LIN7A: variants seen among roughly 807,000 people sequenced by gnomAD.
LIN7A encodes lin-7 cell polarity scaffold A, also known as protein lin-7 homolog A.
LIN7A carries 25 observed loss-of-function variants against 29.8 expected under a neutral mutation model. That is an observed-to-expected ratio of 0.84 (90% confidence interval 0.61 to 1.17). The LOEUF (loss-of-function observed/expected upper bound fraction) is 1.17. Among genes scored for constraint, LIN7A ranks in the 50% most tolerant of loss-of-function variants. The pLI is 0.00. For synonymous variants in LIN7A, 118 were observed against 107.5 expected, an observed-to-expected ratio of 1.10 and a Z score of -0.60; for missense variants, 239 against 287.0, an observed-to-expected ratio of 0.83 and a Z score of 1.21.
At chr12:80,933,286 G>C (rs563708983) in intron 1 of LIN7A, among the ~76,000 whole-genome samples, 1 of 152,052 alleles carries the variant, frequency 6.6e-6, no homozygotes, top group Non-Finnish European at 1.5e-5. Context: ...TAATTAATGC[G>C]TTATTATTTC....
At chr12:80,917,877 C>T (rs1271430058) in intron 1 of LIN7A, among the ~76,000 whole-genome samples, 1 of 152,174 alleles carries the variant, frequency 6.6e-6, no homozygotes, top group Non-Finnish European at 1.5e-5. Flanking sequence ...CTGGCTCCTC[C>T]TCATGTGTTT....
chr12:80,843,155 T>C (rs1332380351), intron 4 of LIN7A, among the ~76,000 whole-genome samples: 3 of 152,196 alleles, frequency 2.0e-5, no homozygotes, highest in East Asian at 1.9e-4. Flanking sequence ...ATTGGTAAGA[T>C]GAGAGGTTTA....
In LIN7A at chr12:80,907,053, C is replaced by CTGTGTGTGTGTGTGTGTG. The variant is rs1491359652; in HGVS notation, c.83-17685_83-17684insCACACACACACACACACA. ...AATAGAACATACCTCAGAGTGCGTGCTCTGTGTGTGTGTGTGTGTGTGTGT... is the reference window on the plus strand; with the variant it reads ...AATAGAACATACCTCAGAGTGCGTGCTGTGTGTGTGTGTGTGTGTCTGTGTGTGTGTGTGTGTGTGTGT... On this transcript the variant is annotated intron_variant, in intron 1 of 5. Coordinates refer to ENST00000552864, the MANE Select transcript of LIN7A (RefSeq NM_004664.4). Among the ~76,000 whole-genome samples, 134 of 132,998 alleles carry CTGTGTGTGTGTGTGTGTG rather than the reference C, an allele frequency of 1.0e-3. 3 individuals are homozygous for CTGTGTGTGTGTGTGTGTG. Among genetic ancestry groups the CTGTGTGTGTGTGTGTGTG allele is most frequent in the East Asian group, 6.1e-3 (26 of 4,250 alleles). The allele number at this position is 132,998 out of a possible 152,430, so 87.3% of individuals were successfully genotyped here.
chr12:80,919,884 C>T lies in LIN7A; in HGVS notation c.82+17757G>A, dbSNP rs903040382. ...GACCAGGACAACAGAGAAACACCTT[C>T]GTCTCCACCACCAAGCTCATTCACT... On this transcript the variant is annotated intron_variant, in intron 1 of 5. Transcript: ENST00000552864. 3.3e-5 allele frequency among the ~76,000 whole-genome samples: 5 copies of T among 152,112 alleles called. No homozygotes were observed. The East Asian group carries it at 5.8e-4, about 18-fold the overall frequency.
intron 2 of LIN7A, among the ~76,000 whole-genome samples, chr12:80,863,948 AC>A (rs1874007401): frequency 6.6e-6 from 1 of 152,130 alleles, no homozygotes; most frequent in Non-Finnish European, 1.5e-5. Flanking sequence ...AAAAGGCAGC[AC>A]CAAATATTTA....
intron 5 of LIN7A, among the ~76,000 whole-genome samples, chr12:80,809,789 C>T (rs1871202251): frequency 1.3e-5 from 2 of 152,058 alleles, no homozygotes; most frequent in Non-Finnish European, 2.9e-5. Context: ...ATTTAGTGTT[C>T]TTTGTTACAA....
At chr12:80,836,972 G>A (rs1286198885) in intron 4 of LIN7A, among the ~76,000 whole-genome samples, 1 of 151,860 alleles carries the variant, frequency 6.6e-6, no homozygotes, top group African/African-American at 2.4e-5. Flanking sequence ...CAGGCAAGAT[G>A]GGGGGCGGGG....
intron 1 of LIN7A, among the ~76,000 whole-genome samples, chr12:80,918,977 G>T (rs1024230335): frequency 2.7e-4 from 41 of 152,292 alleles, no homozygotes; most frequent in African/African-American, 9.9e-4. Context: ...GTCACAGCCT[G>T]TACAGGTTTG....
At chr12:80,806,777 T>C (rs2121506592) in intron 5 of LIN7A, among the ~76,000 whole-genome samples, 1 of 152,312 alleles carries the variant, frequency 6.6e-6, no homozygotes, top group African/African-American at 2.4e-5. Context: ...AATTAAAATG[T>C]AATTAAGAGC....
At chr12:80,922,719 A>G (rs1049179261) in intron 1 of LIN7A, among the ~76,000 whole-genome samples, 1 of 152,188 alleles carries the variant, frequency 6.6e-6, no homozygotes, top group Admixed American at 6.5e-5. Context: ...ACCTGCAGTC[A>G]ATCTCTGTCC....
At chr12:80,871,518 T>C (rs1874425176) in intron 2 of LIN7A, among the ~76,000 whole-genome samples, 1 of 151,580 alleles carries the variant, frequency 6.6e-6, no homozygotes. Context: ...TCATCTTACT[T>C]TTTTTTTAGT....
chr12:80,802,003 T>C (rs879422533), intron 5 of LIN7A, among the ~76,000 whole-genome samples: 11 of 151,902 alleles, frequency 7.2e-5, no homozygotes, highest in Admixed American at 4.6e-4. Flanking sequence ...TTCAATCTAT[T>C]CTTTTGCCTC....
chr12:80,815,354 A>G (rs1871482865), intron 4 of LIN7A, among the ~76,000 whole-genome samples: 1 of 152,178 alleles, frequency 6.6e-6, no homozygotes, highest in African/African-American at 2.4e-5. Context: ...CAAAAGATCT[A>G]CTCAGTTAGG....
intron 2 of LIN7A, among the ~76,000 whole-genome samples, chr12:80,888,186 G>A (rs1875430941): frequency 6.6e-6 from 1 of 152,108 alleles, no homozygotes; most frequent in Admixed American, 6.6e-5. Context: ...AAATTAAATA[G>A]TGAACACTTC....
At chr12:80,822,399 A>G (rs1279244421) in intron 4 of LIN7A, among the ~76,000 whole-genome samples, 8 of 152,124 alleles carry the variant, frequency 5.3e-5, no homozygotes, top group Non-Finnish European at 1.0e-4. Flanking sequence ...TTCTACTAAA[A>G]ATACAAAAAT....
At chr12:80,934,642 T>C (rs945694516) in intron 1 of LIN7A, among the ~76,000 whole-genome samples, 2 of 152,228 alleles carry the variant, frequency 1.3e-5, no homozygotes, top group African/African-American at 4.8e-5. Context: ...ACTATATCCA[T>C]GTATGATGTC....
chr12:80,891,880 G>A (rs79604855), intron 1 of LIN7A, among the ~76,000 whole-genome samples: 4,657 of 152,206 alleles, frequency 0.031, 185 homozygotes, highest in African/African-American at 0.081. Flanking sequence ...GAAATAAAAG[G>A]CGTTTATTAT....
chr12:80,836,838 T>G (rs1872606903), intron 4 of LIN7A, among the ~76,000 whole-genome samples: 1 of 152,130 alleles, frequency 6.6e-6, no homozygotes, highest in Admixed American at 6.6e-5. Flanking sequence ...CCCATTCTGC[T>G]TCCTTCAGCC....
intron 5 of LIN7A, among the ~76,000 whole-genome samples, chr12:80,798,869 A>G (rs1005458914): frequency 6.6e-6 from 1 of 151,064 alleles, no homozygotes; most frequent in Non-Finnish European, 1.5e-5. Flanking sequence ...AGTAGCTGGG[A>G]CTACAGGCAT....
Sources: gnomAD v4.1 joint callset for allele counts (sites outside exome capture counted in the v4.1 genomes callset) on GRCh38, gnomAD v4.1.1 for gene constraint, MANE v1.5 for transcripts, NCBI Gene and HGNC (gene_info 2026-07-23, HGNC 2026-07-21) for gene names.